Variants in TCOF1 observed in about 807,000 individuals in gnomAD.
TCOF1 encodes treacle ribosome biogenesis factor 1.
In TCOF1, 33 loss-of-function variants were observed where a neutral mutation model predicts 149.0. The observed-to-expected ratio is 0.22, with a 90% CI of 0.17 to 0.30. TCOF1 has a LOEUF of 0.30. TCOF1 is among the 10% of genes least tolerant of loss of function. TCOF1 has a pLI of 1.00. For synonymous variants in TCOF1, 789 were observed against 738.8 expected, an observed-to-expected ratio of 1.07 and a Z score of -1.10; for missense variants, 1,728 against 1,840.7, an observed-to-expected ratio of 0.94 and a Z score of 1.12.
At chr5:150,387,774 C>T in intron 17 of TCOF1, 128 bp from the exon 18 acceptor site, 11 of 1,323,404 alleles carry the variant, frequency 8.3e-6, no homozygotes, top group Non-Finnish European at 1.2e-5. Flanking sequence ...GCTGGAATGG[C>T]TTCTGTGCCC....
intron 2 of TCOF1, among the ~76,000 whole-genome samples, chr5:150,363,704 G>A (rs1448580409): frequency 2.6e-5 from 4 of 152,154 alleles, no homozygotes; most frequent in African/African-American, 9.7e-5. Flanking sequence ...GCCTCTCTTG[G>A]GGGGCTACAT....
chr5:150,357,909 GC>G lies in TCOF1; in HGVS notation c.108+58del. On this transcript the variant is annotated intron_variant, in intron 1 of 26. Coordinates refer to ENST00000643257, the MANE Select transcript of TCOF1 (RefSeq NM_001371623.1). ...CGCGTGCAAGATGTGGAGATCAGCG[GC>G]CCGCGGCCCGCGCCCCGTCCCCAGG... The G allele has an allele frequency of 3.3e-6, 5 of 1,514,970 alleles. No individual in the cohort carries two copies. The East Asian group carries it at 1.3e-4, about 39-fold the overall frequency. 93.8% of individuals were successfully genotyped at this position (1,514,970 alleles called of 1,614,324 possible). A position where few individuals can be genotyped will look rare whatever the true frequency, so the allele number is the denominator to read the frequency against.
Position 150,389,790 on chromosome 5 carries a change from G to T in TCOF1, c.3047-97G>T, listed in dbSNP as rs1056374328. ...TCTGTAAGCCCTGAGCACAGCTCTA[G>T]ATCACCAGCACAGGCCGGTAAATTG... is the stretch of plus-strand genomic sequence containing the variant. On this transcript the variant is annotated intron_variant, in intron 18 of 26. Coordinates refer to ENST00000643257, the MANE Select transcript of TCOF1 (RefSeq NM_001371623.1). 8 of 1,601,818 alleles carry T rather than the reference G, an allele frequency of 5.0e-6. No individual in the cohort carries two copies. The African/African-American group carries it at 8.0e-5, about 16-fold the overall frequency.
chr5:150,378,657 T>C (rs1764346014), intron 14 of TCOF1: 1 of 549,326 alleles, frequency 1.8e-6, no homozygotes, highest in Non-Finnish European at 3.3e-6. Context: ...GTTCCAGACA[T>C]CATGTTAAAC....
Position 150,392,743 on chromosome 5 carries a change from G to A in TCOF1, c.3556G>A (p.Glu1186Lys). 1 of 1,614,120 alleles carries A rather than the reference G, an allele frequency of 6.2e-7. No homozygotes were observed. The highest frequency in any genetic ancestry group is 1.3e-5 in the African/African-American group (1 of 75,062). Reference protein sequence around the residue: ...TPSRTETLVEETAAESSEDDV... With the variant: ...TPSRTETLVEKTAAESSEDDV... Reference sequence around the variant, plus strand: ...CTCCAGGACAGAGACCCTGGTGGAGGAGACCGCAGCAGAGTCCAGCGAGGA... The same window carrying A: ...CTCCAGGACAGAGACCCTGGTGGAGAAGACCGCAGCAGAGTCCAGCGAGGA... Residue 1186 changes from glutamate (E) to lysine (K), a missense_variant, in exon 22 of 27, where the codon GAG becomes AAG. Transcript: ENST00000643257.
intron 1 of TCOF1, among the ~76,000 whole-genome samples, 153 bp from the exon 2 acceptor site, chr5:150,361,003 T>G (rs1372801899): frequency 6.6e-6 from 1 of 152,118 alleles, no homozygotes; most frequent in Non-Finnish European, 1.5e-5. Flanking sequence ...CCCAAAGTGC[T>G]GAGATTACAG....
chr5:150,388,500 T>C (rs1228712610), intron 18 of TCOF1, among the ~76,000 whole-genome samples: 11 of 152,234 alleles, frequency 7.2e-5, no homozygotes, highest in African/African-American at 2.4e-4. Context: ...AGATTTCATC[T>C]ATCAGAGAGA....
chr5:150,357,927 G>A (rs1168811400), intron 1 of TCOF1, 73 bp downstream of exon 1: 1 of 1,489,592 alleles, frequency 6.7e-7, no homozygotes. Context: ...CCCGCGCCCC[G>A]TCCCCAGGCG....
intron 17 of TCOF1, among the ~76,000 whole-genome samples, 170 bp from the exon 18 acceptor site, chr5:150,387,732 G>A (rs1229255901): frequency 1.3e-5 from 2 of 152,172 alleles, no homozygotes; most frequent in African/African-American, 4.8e-5. Flanking sequence ...GGTCTTAGCA[G>A]ATGTGTGGGG....
Position 150,372,155 on chromosome 5 carries a change from C to T in TCOF1, c.789C>T (p.Ala263=), listed in dbSNP as rs1468560690. Reference sequence around the variant, plus strand: ...GGGCCCTGCCCCCAGCCAAGAGGGCCAAGAAGCCAGAAGAGGAGTCAGAGA... The same window carrying T: ...GGGCCCTGCCCCCAGCCAAGAGGGCTAAGAAGCCAGAAGAGGAGTCAGAGA... ...KGGALPPAKR[A]KKPEEESESS... Residue 263 remains alanine, a synonymous_variant, in exon 7 of 27, where the codon GCC becomes GCT. Transcript: ENST00000643257. The T allele has an allele frequency of 6.2e-7, 1 of 1,614,152 alleles. No homozygotes were observed. The highest frequency in any genetic ancestry group is 8.5e-7 in the Non-Finnish European group (1 of 1,180,020).
intron 18 of TCOF1, 116 bp from the exon 19 acceptor site, chr5:150,389,771 A>G (rs1452898475): frequency 6.3e-7 from 1 of 1,576,172 alleles, no homozygotes; most frequent in African/African-American, 1.4e-5. Flanking sequence ...TACCTCTGTA[A>G]GCCCTGAGCA....
At chr5:150,385,973 T>TA (rs1167361187) in intron 17 of TCOF1, among the ~76,000 whole-genome samples, 1 of 152,176 alleles carries the variant, frequency 6.6e-6, no homozygotes, top group Non-Finnish European at 1.5e-5. Context: ...CAGGCTGGGA[T>TA]AACTACTAGC....
At chr5:150,396,949 A>G in intron 24 of TCOF1, 107 bp downstream of exon 24, 1 of 1,355,744 alleles carries the variant, frequency 7.4e-7, no homozygotes, top group South Asian at 1.3e-5. Context: ...TGTAGAAAAG[A>G]GAGGCTGAGA....
intron 1 of TCOF1, among the ~76,000 whole-genome samples, chr5:150,359,248 G>A (rs1562268170): frequency 6.6e-6 from 1 of 151,362 alleles, no homozygotes; most frequent in Non-Finnish European, 1.5e-5. Flanking sequence ...TCGGGAGGCT[G>A]AGTCAGGAGA....
Position 150,400,199 on chromosome 5 carries a change from G to A in TCOF1, c.*412G>A, listed in dbSNP as rs964381336. ...TGCCGCTCGGTCTCTGGCTGATCCC[G>A]AGGCTTTGTCTTCCTCTCGTCAGTT... On this transcript the variant is annotated 3_prime_UTR_variant, in exon 27 of 27. Coordinates refer to ENST00000643257, the MANE Select transcript of TCOF1 (RefSeq NM_001371623.1). 2.3e-4 allele frequency: 35 copies of A among 151,820 alleles called. No individual in the cohort carries two copies. The highest frequency in any genetic ancestry group is 2.2e-3 in the Admixed American group (34 of 15,260). The allele number at this position is 151,820 out of a possible 1,614,324, so 9.4% of individuals were successfully genotyped here.
intron 17 of TCOF1, among the ~76,000 whole-genome samples, chr5:150,382,063 G>T (rs1765326514): frequency 6.6e-6 from 1 of 152,164 alleles, no homozygotes; most frequent in South Asian, 2.1e-4. Flanking sequence ...GGGCCTGGTG[G>T]CACCAGCCTA....
rs1036667795 is a variant in TCOF1 at position 150,369,410 on chromosome 5, C to T, written c.566-119C>T. On this transcript the variant is annotated intron_variant, in intron 5 of 26. Coordinates refer to ENST00000643257, the MANE Select transcript of TCOF1 (RefSeq NM_001371623.1). ...CACAGCTCAGTGCATGTGAGGCACA[C>T]GAGGGGTGAGCGCTCAGCACCTGGC... 6.1e-6 allele frequency: 7 copies of T among 1,156,942 alleles called. No homozygotes were observed. The African/African-American group carries it at 7.6e-5, about 12-fold the overall frequency. The allele number at this position is 1,156,942 out of a possible 1,614,324, so 71.7% of individuals were successfully genotyped here. A position where few individuals can be genotyped will look rare whatever the true frequency, so the allele number is the denominator to read the frequency against.
chr5:150,357,715 T>A lies in TCOF1; in HGVS notation c.-32T>A. On this transcript the variant is annotated 5_prime_UTR_variant, in exon 1 of 27. Transcript: ENST00000643257. ...GGCGGGCGGGGACTAAGGCGGGGCG[T>A]GCAGGTAGCCGGCCGGCCGGGGGTC... 6.5e-7 allele frequency: 1 copy of A among 1,532,998 alleles called. No individual in the cohort carries two copies. 95.0% of individuals were successfully genotyped at this position (1,532,998 alleles called of 1,614,324 possible). A position where few individuals can be genotyped will look rare whatever the true frequency, so the allele number is the denominator to read the frequency against.
chr5:150,379,909 T>C, intron 17 of TCOF1, 177 bp downstream of exon 17: 3 of 687,006 alleles, frequency 4.4e-6, no homozygotes, highest in Non-Finnish European at 7.5e-6. Flanking sequence ...CCGTCTCTAC[T>C]AAAAATATAA....
Sources: allele counts gnomAD v4.1 joint callset (sites outside exome capture counted in the v4.1 genomes callset), GRCh38; gene constraint gnomAD v4.1.1; transcripts MANE v1.5; gene names NCBI Gene and HGNC (gene_info 2026-07-23, HGNC 2026-07-21).